Variants in KCNK1 observed in about 807,000 individuals in gnomAD.
The protein encoded by KCNK1 is potassium two pore domain channel subfamily K member 1.
In KCNK1, 10 loss-of-function variants were observed where a neutral mutation model predicts 22.2. The observed-to-expected ratio is 0.45, with a 90% CI of 0.28 to 0.76. The LOEUF is 0.76. KCNK1 is among the 30% of genes least tolerant of loss of function. The pLI, the probability that KCNK1 is intolerant of heterozygous loss-of-function variation, is 0.14. For synonymous variants in KCNK1, 200 were observed against 186.4 expected, an observed-to-expected ratio of 1.07 and a Z score of -0.60; for missense variants, 378 against 421.0, an observed-to-expected ratio of 0.90 and a Z score of 0.89.
chr1:233,642,457 A>T (rs1658015546), intron 1 of KCNK1, among the ~76,000 whole-genome samples: 1 of 152,202 alleles, frequency 6.6e-6, no homozygotes, highest in Non-Finnish European at 1.5e-5. Flanking sequence ...AGGGGCTTGA[A>T]GACAGGTCAG....
chr1:233,646,594 C>A (rs749317790), intron 1 of KCNK1, among the ~76,000 whole-genome samples: 4 of 151,464 alleles, frequency 2.6e-5, no homozygotes, highest in Admixed American at 2.6e-4. Flanking sequence ...TAGGAAAAGC[C>A]GAGTGCAGGG....
At chr1:233,627,821 C>CA (rs755297020) in intron 1 of KCNK1, among the ~76,000 whole-genome samples, 1 of 152,238 alleles carries the variant, frequency 6.6e-6, no homozygotes, top group East Asian at 1.9e-4. Flanking sequence ...TTGGGGAGCA[C>CA]AAAAAAGCAA....
intron 1 of KCNK1, among the ~76,000 whole-genome samples, chr1:233,622,255 T>G (rs2102882438): frequency 6.6e-6 from 1 of 152,322 alleles, no homozygotes; most frequent in African/African-American, 2.4e-5. Flanking sequence ...ACAAGGTTGG[T>G]TTCAGGGACA....
At chr1:233,665,001 C>T (rs749736267) in intron 1 of KCNK1, among the ~76,000 whole-genome samples, 1 of 152,192 alleles carries the variant, frequency 6.6e-6, no homozygotes, top group Non-Finnish European at 1.5e-5. Context: ...AGCCACCAGG[C>T]CCCATGCCCA....
chr1:233,667,793 A>C (rs1166770932), intron 2 of KCNK1, among the ~76,000 whole-genome samples: 1 of 151,516 alleles, frequency 6.6e-6, no homozygotes, highest in African/African-American at 2.4e-5. Flanking sequence ...CTGTTAATTA[A>C]AAAAAAAGAT....
At chr1:233,630,820 G>T (rs1657778571) in intron 1 of KCNK1, 1 of 158,668 alleles carries the variant, frequency 6.3e-6, no homozygotes, top group South Asian at 1.8e-4. Context: ...GGAAATGTTT[G>T]AAAAGCAAAA....
At chr1:233,637,575 T>C (rs1657923104) in intron 1 of KCNK1, 1 of 152,230 alleles carries the variant, frequency 6.6e-6, no homozygotes, top group African/African-American at 2.4e-5. Context: ...CATTTGGCAA[T>C]GCAAGTTTAT....
Position 233,666,717 on chromosome 1 carries a change from G to T in KCNK1, c.478G>T (p.Val160Phe), listed in dbSNP as rs372727640. The T allele has an allele frequency of 1.9e-6, 3 of 1,613,934 alleles. No homozygotes were observed. Among genetic ancestry groups the T allele is most frequent in the African/African-American group, 1.3e-5 (1 of 74,874 alleles). ...TGTGGTCCAGCGCATCACCGTGCACGTCACCCGCAGGCCGGTCCTCTACTT... is the reference window on the plus strand; with the variant it reads ...TGTGGTCCAGCGCATCACCGTGCACTTCACCCGCAGGCCGGTCCTCTACTT... Reference protein sequence around the residue: ...TAVVQRITVHVTRRPVLYFHI... With the variant: ...TAVVQRITVHFTRRPVLYFHI... Residue 160 changes from valine to phenylalanine, a missense_variant, in exon 2 of 3, where the codon GTC becomes TTC. Val to Phe is a conservative substitution (Grantham distance 50). Coordinates refer to ENST00000366621, the MANE Select transcript of KCNK1 (RefSeq NM_002245.4).
intron 1 of KCNK1, among the ~76,000 whole-genome samples, chr1:233,659,755 A>G (rs886375392): frequency 1.3e-5 from 2 of 152,054 alleles, no homozygotes; most frequent in African/African-American, 4.8e-5. Context: ...CCACTGTCAT[A>G]TATGTGGCCC....
At chr1:233,627,520 C>T (rs766167665) in intron 1 of KCNK1, among the ~76,000 whole-genome samples, 15 of 151,864 alleles carry the variant, frequency 9.9e-5, no homozygotes, top group South Asian at 2.1e-4. Flanking sequence ...GCGCCCACAT[C>T]GCTACCTACC....
At chr1:233,625,159 G>A (rs1013678880) in intron 1 of KCNK1, among the ~76,000 whole-genome samples, 1 of 152,202 alleles carries the variant, frequency 6.6e-6, no homozygotes, top group African/African-American at 2.4e-5. Context: ...ATAAACAGGT[G>A]TGTAAAAAAT....
At chr1:233,671,001 A>AT (rs201802787) in intron 2 of KCNK1, among the ~76,000 whole-genome samples, 69 of 150,388 alleles carry the variant, frequency 4.6e-4, no homozygotes, top group Admixed American at 1.2e-3. Context: ...AGCCCCAAGT[A>AT]TTTTTTTTTT....
chr1:233,659,433 T>TAA (rs1658353712), intron 1 of KCNK1, among the ~76,000 whole-genome samples: 1 of 149,914 alleles, frequency 6.7e-6, no homozygotes, highest in African/African-American at 2.4e-5. Flanking sequence ...AAATATTTTT[T>TAA]ATTAAAAAAA....
chr1:233,660,321 A>G (rs946288000), intron 1 of KCNK1, among the ~76,000 whole-genome samples: 1 of 152,218 alleles, frequency 6.6e-6, no homozygotes, highest in Non-Finnish European at 1.5e-5. Flanking sequence ...CTTGAGAGTT[A>G]TCGTTTACAT....
At chr1:233,633,232 T>C (rs1041550968) in intron 1 of KCNK1, among the ~76,000 whole-genome samples, 2 of 150,650 alleles carry the variant, frequency 1.3e-5, no homozygotes, top group African/African-American at 4.9e-5. Flanking sequence ...GCCATTTGCC[T>C]TCTTCTGACA....
chr1:233,666,480 G>T lies in KCNK1; in HGVS notation c.356-115G>T, dbSNP rs182592899. Reference sequence around the variant, plus strand: ...CCTAAAGTGGCAGACCTGAAGTCTCGCTGTTCTCTTTGGTTTGAGGGGAAT... The same window carrying T: ...CCTAAAGTGGCAGACCTGAAGTCTCTCTGTTCTCTTTGGTTTGAGGGGAAT... On this transcript the variant is annotated intron_variant, in intron 1 of 2. Transcript: ENST00000366621. 42 of 981,412 alleles carry T rather than the reference G, an allele frequency of 4.3e-5. No individual in the cohort carries two copies. The African/African-American group carries it at 5.5e-4, about 13-fold the overall frequency. The allele number at this position is 981,412 out of a possible 1,614,324, so 60.8% of individuals were successfully genotyped here.
chr1:233,644,115 C>T (rs1353149658), intron 1 of KCNK1, among the ~76,000 whole-genome samples: 1 of 152,210 alleles, frequency 6.6e-6, no homozygotes, highest in African/African-American at 2.4e-5. Flanking sequence ...GAGGTACCAA[C>T]TTCTGATGAA....
chr1:233,671,299 G>A lies in KCNK1; in HGVS notation c.780G>A (p.Met260Ile), dbSNP rs544929189. The A allele has an allele frequency of 4.1e-5, 66 of 1,614,194 alleles. 1 individual carries two copies. In the South Asian group the frequency reaches 6.7e-4, roughly 16 times the overall value. Residue 260 changes from methionine to isoleucine, a missense_variant, in exon 3 of 3, where the codon ATG becomes ATA. Met to Ile is a conservative substitution (Grantham distance 10, BLOSUM62 1). Coordinates refer to ENST00000366621, the MANE Select transcript of KCNK1 (RefSeq NM_002245.4). ...ACCTGCTACTTGGCCTTATTGCCAT[G>A]TTGGTAGTTCTGGAAACCTTCTGTG... ...TCYLLLGLIAMLVVLETFCEL... is the reference protein window; with the variant it reads ...TCYLLLGLIAILVVLETFCEL...
intron 1 of KCNK1, among the ~76,000 whole-genome samples, chr1:233,619,249 G>A (rs1026960933): frequency 6.6e-6 from 1 of 151,932 alleles, no homozygotes; most frequent in African/African-American, 2.4e-5. Flanking sequence ...TCTCAAACTT[G>A]TTGCCTTAAG....
Sources: gnomAD v4.1 joint callset for allele counts (sites outside exome capture counted in the v4.1 genomes callset) on GRCh38, gnomAD v4.1.1 for gene constraint, MANE v1.5 for transcripts, NCBI Gene and HGNC (gene_info 2026-07-23, HGNC 2026-07-21) for gene names.